The following MTUS2 variants were observed in gnomAD, a reference collection of about 807,000 sequenced individuals.
MTUS2 encodes the protein microtubule associated scaffold protein 2.
MTUS2 carries 40 observed loss-of-function variants against 114.1 expected under a neutral mutation model. The ratio of observed to expected loss-of-function variants is 0.35; its 90% CI spans 0.27 to 0.46. The LOEUF (loss-of-function observed/expected upper bound fraction) is 0.46, where lower values mean the gene tolerates loss of function less well. MTUS2 is among the 20% of genes least tolerant of loss of function. MTUS2 has a pLI of 1.00. For synonymous variants in MTUS2, 688 were observed against 672.0 expected (o/e 1.02, Z -0.37); for missense variants, 1,679 against 1,705.4 (o/e 0.98, Z 0.27).
chr13:29,497,583 T>C (rs1451212206), intron 13 of MTUS2: 17 of 536,648 alleles, frequency 3.2e-5, no homozygotes, highest in Admixed American at 1.2e-4. Context: ...ATTCCCCAGC[T>C]GGAGTCGTGG....
chr13:29,324,326 G>A (rs553153626), intron 6 of MTUS2, among the ~76,000 whole-genome samples: 99 of 152,298 alleles, frequency 6.5e-4, no homozygotes, highest in Non-Finnish European at 1.2e-3. Context: ...TTTGGTCAGG[G>A]TCATTGGGGT....
chr13:29,342,320 A>AT (rs940698269), intron 7 of MTUS2, among the ~76,000 whole-genome samples: 5 of 151,264 alleles, frequency 3.3e-5, no homozygotes, highest in Non-Finnish European at 5.9e-5. Flanking sequence ...GTCATCTGTT[A>AT]TTTTTTTTGG....
intron 5 of MTUS2, among the ~76,000 whole-genome samples, chr13:29,103,623 T>C (rs768550382): frequency 6.6e-6 from 1 of 152,186 alleles, no homozygotes; most frequent in Non-Finnish European, 1.5e-5. Context: ...AAACCAGGGC[T>C]ATCCTGGAGG....
At chr13:29,337,125 T>G (rs1331311369) in intron 7 of MTUS2, among the ~76,000 whole-genome samples, 3 of 152,032 alleles carry the variant, frequency 2.0e-5, no homozygotes, top group Non-Finnish European at 4.4e-5. Context: ...GCTCCCTGGC[T>G]TCAGCCCCCT....
intron 7 of MTUS2, among the ~76,000 whole-genome samples, chr13:29,330,602 A>C (rs944586529): frequency 6.6e-6 from 1 of 152,064 alleles, no homozygotes; most frequent in Non-Finnish European, 1.5e-5. Flanking sequence ...TCTTGAGTTA[A>C]TATTTTTGTA....
intron 2 of MTUS2, among the ~76,000 whole-genome samples, chr13:28,867,808 C>T (rs1877391177): frequency 6.6e-6 from 1 of 152,146 alleles, no homozygotes; most frequent in African/African-American, 2.4e-5. Flanking sequence ...CTGACTGTTG[C>T]AGCTCCTGTT....
At chr13:29,117,712 ACT>A (rs1026498988) in intron 5 of MTUS2, among the ~76,000 whole-genome samples, 12 of 151,948 alleles carry the variant, frequency 7.9e-5, no homozygotes, top group African/African-American at 2.7e-4. Context: ...TTTATTAGAA[ACT>A]CTGTGTGGCA....
At chr13:28,843,110 G>A (rs543672325) in intron 2 of MTUS2, among the ~76,000 whole-genome samples, 149 of 152,284 alleles carry the variant, frequency 9.8e-4, no homozygotes, top group Non-Finnish European at 1.7e-3. Context: ...ATCCCCCAGA[G>A]CTGCTTTAAA....
chr13:29,376,211 A>G (rs1437151483), intron 8 of MTUS2, among the ~76,000 whole-genome samples: 1 of 152,184 alleles, frequency 6.6e-6, no homozygotes, highest in African/African-American at 2.4e-5. Flanking sequence ...CAAGGTTAAA[A>G]GCCAAAATTA....
intron 2 of MTUS2, among the ~76,000 whole-genome samples, chr13:28,884,020 A>C (rs1173311561): frequency 2.6e-5 from 4 of 152,176 alleles, no homozygotes; most frequent in African/African-American, 9.7e-5. Context: ...TATATGATTT[A>C]GCAGTTTCAC....
chr13:29,061,172 A>C (rs1408994781), intron 4 of MTUS2, among the ~76,000 whole-genome samples: 1 of 152,102 alleles, frequency 6.6e-6, no homozygotes, highest in Non-Finnish European at 1.5e-5. Flanking sequence ...ATATTGTTCT[A>C]TTTCCTTGAA....
At chr13:29,003,102 G>T (rs180831994) in intron 2 of MTUS2, among the ~76,000 whole-genome samples, 2 of 152,182 alleles carry the variant, frequency 1.3e-5, no homozygotes, top group African/African-American at 4.8e-5. Context: ...AGTTAGACCC[G>T]AAGCAACAGC....
intron 5 of MTUS2, among the ~76,000 whole-genome samples, chr13:29,126,629 TG>T (rs764831022): frequency 6.8e-6 from 1 of 146,350 alleles, no homozygotes; most frequent in Non-Finnish European, 1.5e-5. Flanking sequence ...GATTTTTTTG[TG>T]ATTTTTTTTT....
intron 7 of MTUS2, among the ~76,000 whole-genome samples, chr13:29,330,935 TATGA>T (rs1293270224): frequency 6.6e-6 from 1 of 152,202 alleles, no homozygotes; most frequent in Non-Finnish European, 1.5e-5. Flanking sequence ...TTTGGTTCCA[TATGA>T]AATTTGAAGT....
intron 5 of MTUS2, among the ~76,000 whole-genome samples, chr13:29,112,042 A>G (rs1890904053): frequency 6.6e-6 from 1 of 152,184 alleles, no homozygotes; most frequent in Non-Finnish European, 1.5e-5. Context: ...ACTACATCAT[A>G]CATCCATTCC....
chr13:29,089,705 C>T (rs959904457), intron 4 of MTUS2, among the ~76,000 whole-genome samples: 1 of 152,190 alleles, frequency 6.6e-6, no homozygotes, highest in Non-Finnish European at 1.5e-5. Flanking sequence ...CAAGCTCTGA[C>T]ATTCTTTCCT....
chr13:29,491,805 ATGTGTGTGGGGTAGGTG>A (rs1882124656), intron 11 of MTUS2, among the ~76,000 whole-genome samples: 1 of 116,232 alleles, frequency 8.6e-6, no homozygotes, highest in Admixed American at 9.0e-5. Flanking sequence ...AGCGTATGTG[ATGTGTGTGGGGTAGGTG>A]TGTGTGTGTG....
At chr13:29,215,049 T>G (rs1895621083) in intron 5 of MTUS2, among the ~76,000 whole-genome samples, 1 of 151,780 alleles carries the variant, frequency 6.6e-6, no homozygotes, top group South Asian at 2.1e-4. Context: ...CTTGGTGGCT[T>G]TATTCATTTC....
intron 2 of MTUS2, among the ~76,000 whole-genome samples, chr13:28,893,013 C>T (rs529112271): frequency 6.6e-6 from 1 of 152,230 alleles, no homozygotes; most frequent in Admixed American, 6.5e-5. Context: ...ACAGCAGAAG[C>T]AAATGTCTGC....
Sources: allele counts gnomAD v4.1 joint callset (sites outside exome capture counted in the v4.1 genomes callset), GRCh38; gene constraint gnomAD v4.1.1; transcripts MANE v1.5; gene names NCBI Gene and HGNC (gene_info 2026-07-23, HGNC 2026-07-21).